SPRED2: variants seen among roughly 807,000 people sequenced by gnomAD.
SPRED2 encodes sprouty related EVH1 domain containing 2, also known as sprouty-related, EVH1 domain-containing protein 2.
Under a neutral mutation model 43.0 loss-of-function variants are expected in SPRED2, and 47 were observed. That is an observed-to-expected ratio of 1.09 (90% CI 0.87 to 1.40). SPRED2 has a LOEUF of 1.40. SPRED2 is among the 40% of genes most tolerant of loss of function. The probability of loss-of-function intolerance (pLI) is 0.00; values close to 1 mark genes in which losing one functional copy is unlikely to be tolerated. For synonymous variants in SPRED2, 225 were observed against 225.7 expected (o/e 1.00, Z 0.03); for missense variants, 561 against 586.4 (o/e 0.96, Z 0.45).
chr2:65,408,254 G>T (rs1367531679), intron 1 of SPRED2, among the ~76,000 whole-genome samples: 1 of 152,202 alleles, frequency 6.6e-6, no homozygotes, highest in African/African-American at 2.4e-5. Context: ...AGACACTGCT[G>T]CGGACACTTT....
At chr2:65,427,598 C>T (rs1676586972) in intron 1 of SPRED2, among the ~76,000 whole-genome samples, 1 of 152,202 alleles carries the variant, frequency 6.6e-6, no homozygotes, top group Non-Finnish European at 1.5e-5. Flanking sequence ...CTCCCATTAT[C>T]TTTGAGGTGT....
At chr2:65,374,369 C>A (rs1298635972) in intron 1 of SPRED2, among the ~76,000 whole-genome samples, 2 of 152,204 alleles carry the variant, frequency 1.3e-5, no homozygotes, top group African/African-American at 4.8e-5. Context: ...GTTCCTTGTA[C>A]AAATTTAACT....
At chr2:65,354,200 G>C (rs1674584455) in intron 1 of SPRED2, among the ~76,000 whole-genome samples, 1 of 152,184 alleles carries the variant, frequency 6.6e-6, no homozygotes, top group Non-Finnish European at 1.5e-5. Flanking sequence ...GTTCTGGTAA[G>C]CTTGAAAAAC....
At chr2:65,331,609 C>G (rs953025979) in intron 4 of SPRED2, among the ~76,000 whole-genome samples, 3 of 152,334 alleles carry the variant, frequency 2.0e-5, no homozygotes, top group African/African-American at 7.2e-5. Flanking sequence ...ATAGGGCAAG[C>G]GATTGTCCTG....
chr2:65,349,308 C>CAAAAAAAA lies in SPRED2; in HGVS notation c.27-4420_27-4413dup, dbSNP rs59019958. Among the ~76,000 whole-genome samples, 8 of 83,694 alleles carry CAAAAAAAA rather than the reference C, an allele frequency of 9.6e-5. 1 individual carries two copies. Among genetic ancestry groups the CAAAAAAAA allele is most frequent in the East Asian group, 8.2e-4 (2 of 2,426 alleles). The allele number at this position is 83,694 out of a possible 152,430, so 54.9% of individuals were successfully genotyped here. A position where few individuals can be genotyped will look rare whatever the true frequency, so the allele number is the denominator to read the frequency against. ...CTGGCGACACAGCAAGACTCTGTCT[C>CAAAAAAAA]AAAAAAAAAAAAAAAAAAAAAAGAA... On this transcript the variant is annotated intron_variant, in intron 1 of 5. Coordinates refer to ENST00000356388, the MANE Select transcript of SPRED2 (RefSeq NM_181784.3).
At chr2:65,377,733 T>C (rs1474062331) in intron 1 of SPRED2, 1 of 470,850 alleles carries the variant, frequency 2.1e-6, no homozygotes, top group African/African-American at 2.0e-5. Context: ...GGTCCTTCCA[T>C]CAGAACACAA....
chr2:65,418,747 A>G (rs1195295675), intron 1 of SPRED2, among the ~76,000 whole-genome samples: 7 of 151,428 alleles, frequency 4.6e-5, no homozygotes, highest in African/African-American at 1.7e-4. Flanking sequence ...TAGAGATGGG[A>G]TTTCACCATA....
At position 65,310,956 on chromosome 2, in the gene SPRED2, C is replaced by T; in HGVS notation, c.*2545G>A. On this transcript the variant is annotated 3_prime_UTR_variant, in exon 6 of 6. Coordinates refer to ENST00000356388, the MANE Select transcript of SPRED2 (RefSeq NM_181784.3). ...AAAAGTTAAGAACTAAAATGTACAT[C>T]ATACACTTGTATATATATTTTTTAC... 1 of 982,382 alleles carries T rather than the reference C, an allele frequency of 1.0e-6. No individual in the cohort carries two copies. The highest frequency in any genetic ancestry group is 1.2e-6 in the Non-Finnish European group (1 of 826,880). 60.9% of individuals were successfully genotyped at this position (982,382 alleles called of 1,614,324 possible).
At chr2:65,416,398 C>T (rs1676275228) in intron 1 of SPRED2, among the ~76,000 whole-genome samples, 1 of 152,144 alleles carries the variant, frequency 6.6e-6, no homozygotes, top group Non-Finnish European at 1.5e-5. Context: ...AAATGAACCA[C>T]ACACATCTAG....
chr2:65,325,712 G>A (rs988017789), intron 4 of SPRED2, among the ~76,000 whole-genome samples: 2 of 152,180 alleles, frequency 1.3e-5, no homozygotes, highest in African/African-American at 2.4e-5. Flanking sequence ...AGGCCAAGGG[G>A]TATGGATCAC....
chr2:65,392,224 C>T (rs954217175), intron 1 of SPRED2, among the ~76,000 whole-genome samples: 3 of 137,966 alleles, frequency 2.2e-5, no homozygotes, highest in African/African-American at 8.1e-5. Flanking sequence ...CTGTCACCTA[C>T]ACTGGAGTGC....
At chr2:65,414,266 T>C (rs1214574046) in intron 1 of SPRED2, among the ~76,000 whole-genome samples, 4 of 152,228 alleles carry the variant, frequency 2.6e-5, no homozygotes, top group African/African-American at 7.2e-5. Flanking sequence ...CTTCTCCAAA[T>C]AGGGGAAAGG....
chr2:65,383,749 A>C (rs1675429653), intron 1 of SPRED2, among the ~76,000 whole-genome samples: 1 of 152,232 alleles, frequency 6.6e-6, no homozygotes, highest in Admixed American at 6.5e-5. Context: ...ATAAACATGT[A>C]CAGGAAATAC....
intron 1 of SPRED2, among the ~76,000 whole-genome samples, chr2:65,348,103 G>A (rs1296651125): frequency 2.0e-5 from 3 of 152,096 alleles, no homozygotes; most frequent in Non-Finnish European, 4.4e-5. Flanking sequence ...TGGTCCCACT[G>A]GCCTCCATAT....
chr2:65,422,916 T>C (rs543426506), intron 1 of SPRED2, among the ~76,000 whole-genome samples: 1 of 152,202 alleles, frequency 6.6e-6, no homozygotes, highest in East Asian at 1.9e-4. Flanking sequence ...GCTTTGCGAG[T>C]CTGAGCCTGA....
intron 4 of SPRED2, among the ~76,000 whole-genome samples, chr2:65,321,737 T>C (rs1298524516): frequency 6.6e-6 from 1 of 152,132 alleles, no homozygotes; most frequent in African/African-American, 2.4e-5. Flanking sequence ...TTCCTTGGGG[T>C]TATGGCAAAA....
At chr2:65,334,213 G>T in intron 3 of SPRED2, 1 of 472,420 alleles carries the variant, frequency 2.1e-6, no homozygotes, top group Non-Finnish European at 4.4e-6. Flanking sequence ...ATTACAGGAG[G>T]ACAGTGGGTA....
intron 1 of SPRED2, among the ~76,000 whole-genome samples, chr2:65,410,439 C>T (rs1676127870): frequency 6.6e-6 from 1 of 152,048 alleles, no homozygotes; most frequent in Non-Finnish European, 1.5e-5. Context: ...ACTCGTCATC[C>T]CAGTTCTTCC....
At chr2:65,320,193 C>T (rs1414343316) in intron 4 of SPRED2, among the ~76,000 whole-genome samples, 9 of 152,182 alleles carry the variant, frequency 5.9e-5, no homozygotes, top group African/African-American at 9.6e-5. Context: ...TTACAGTCAT[C>T]TATTAGGTTA....
Sources: gnomAD v4.1 joint callset for allele counts (sites outside exome capture counted in the v4.1 genomes callset) on GRCh38, gnomAD v4.1.1 for gene constraint, MANE v1.5 for transcripts, NCBI Gene and HGNC (gene_info 2026-07-23, HGNC 2026-07-21) for gene names.